Variants in HEMK2 observed in about 807,000 individuals in gnomAD.
HEMK2 encodes the protein HemK methyltransferase 2, ETF1 glutamine and histone H4 lysine, also known as methyltransferase HEMK2.
chr21:28,693,588 C>A, the HEMK2 span, among the ~76,000 whole-genome samples: 5 of 152,180 alleles, frequency 3.3e-5, no homozygotes, highest in African/African-American at 4.8e-5. Context: ...TAAAATGACA[C>A]CCGTTAAGCA....
At chr21:28,646,192 T>C in the HEMK2 span, among the ~76,000 whole-genome samples, 24 of 152,294 alleles carry the variant, frequency 1.6e-4, no homozygotes, top group South Asian at 2.5e-3. Context: ...GAGCAGCATA[T>C]GGATGACTAT....
chr21:28,848,032 T>C, the HEMK2 span, among the ~76,000 whole-genome samples: 18 of 152,254 alleles, frequency 1.2e-4, no homozygotes, highest in Non-Finnish European at 1.5e-5. Context: ...AGCCTTATAG[T>C]ACAGTTTGAA....
At chr21:28,784,197 A>G in the HEMK2 span, among the ~76,000 whole-genome samples, 1 of 152,242 alleles carries the variant, frequency 6.6e-6, no homozygotes, top group Non-Finnish European at 1.5e-5. Flanking sequence ...TGTAGGATCC[A>G]CTAGGTGAAG....
chr21:28,822,805 C>A, the HEMK2 span, among the ~76,000 whole-genome samples: 1 of 152,138 alleles, frequency 6.6e-6, no homozygotes, highest in South Asian at 2.1e-4. Context: ...CATTACAATT[C>A]AGATGGACCT....
At chr21:28,817,530 T>C in the HEMK2 span, among the ~76,000 whole-genome samples, 1 of 152,228 alleles carries the variant, frequency 6.6e-6, no homozygotes, top group East Asian at 1.9e-4. Context: ...CTTCTCTTAT[T>C]TGGGGATCCT....
the HEMK2 span, among the ~76,000 whole-genome samples, chr21:28,667,301 C>A: frequency 6.6e-6 from 1 of 152,048 alleles, no homozygotes; most frequent in Non-Finnish European, 1.5e-5. Flanking sequence ...AGTATATAAT[C>A]CACCATCAGG....
the HEMK2 span, among the ~76,000 whole-genome samples, chr21:28,629,818 T>A: frequency 6.6e-6 from 1 of 152,172 alleles, no homozygotes; most frequent in Non-Finnish European, 1.5e-5. Context: ...GGAAGGCATA[T>A]ACAGTGGCTG....
the HEMK2 span, among the ~76,000 whole-genome samples, chr21:28,750,680 G>A: frequency 1.5e-5 from 2 of 130,012 alleles, no homozygotes; most frequent in African/African-American, 6.2e-5. Flanking sequence ...CCTCCTGGGT[G>A]ACAGAGCAAG....
the HEMK2 span, among the ~76,000 whole-genome samples, chr21:28,810,964 T>C: frequency 2.0e-5 from 3 of 152,206 alleles, no homozygotes; most frequent in African/African-American, 4.8e-5. Context: ...GAAGGAATCA[T>C]GTGGCGAGAC....
the HEMK2 span, among the ~76,000 whole-genome samples, chr21:28,762,953 C>T: frequency 0.54 from 82,599 of 152,036 alleles, 25,570 homozygotes; most frequent in African/African-American, 0.84. Context: ...AGAGAGCTAG[C>T]GAACCAATTT....
At chr21:28,640,897 C>T in the HEMK2 span, among the ~76,000 whole-genome samples, 1 of 152,166 alleles carries the variant, frequency 6.6e-6, no homozygotes, top group African/African-American at 2.4e-5. Context: ...GAAGAACAAT[C>T]ACAGTGCTAA....
the HEMK2 span, among the ~76,000 whole-genome samples, chr21:28,775,693 C>T: frequency 1.3e-5 from 2 of 151,932 alleles, no homozygotes; most frequent in Non-Finnish European, 2.9e-5. Context: ...TAAAAGGTAC[C>T]TGAATTTAAG....
At chr21:28,826,029 C>T in the HEMK2 span, among the ~76,000 whole-genome samples, 1 of 152,194 alleles carries the variant, frequency 6.6e-6, no homozygotes, top group Non-Finnish European at 1.5e-5. Context: ...GATAAAAGGG[C>T]ACCCAGAAAT....
chr21:28,682,031 A>G, the HEMK2 span, among the ~76,000 whole-genome samples: 1 of 152,238 alleles, frequency 6.6e-6, no homozygotes, highest in African/African-American at 2.4e-5. Context: ...CAATGGCAAC[A>G]AAAGACAAAA....
the HEMK2 span, among the ~76,000 whole-genome samples, chr21:28,637,184 C>T: frequency 1.3e-5 from 2 of 152,138 alleles, no homozygotes; most frequent in South Asian, 4.1e-4. Flanking sequence ...AGCCTTGCCA[C>T]AATTTTGTGG....
the HEMK2 span, among the ~76,000 whole-genome samples, chr21:28,838,975 ATATATATATATATATAT>A: frequency 3.3e-5 from 1 of 30,726 alleles, no homozygotes; most frequent in Non-Finnish European, 5.1e-5. Flanking sequence ...AAAAAAAAAT[ATATATATATATATATAT>A]ATATATATAC....
At chr21:28,778,137 T>G in the HEMK2 span, among the ~76,000 whole-genome samples, 1 of 152,224 alleles carries the variant, frequency 6.6e-6, no homozygotes, top group Non-Finnish European at 1.5e-5. Flanking sequence ...CCCCACCCAT[T>G]TGTACACTCC....
At chr21:28,849,487 G>A in the HEMK2 span, among the ~76,000 whole-genome samples, 1 of 152,174 alleles carries the variant, frequency 6.6e-6, no homozygotes, top group Non-Finnish European at 1.5e-5. Context: ...ACCTCCAAAT[G>A]TCTGCACTAG....
the HEMK2 span, chr21:28,875,763 C>T: frequency 6.6e-6 from 1 of 152,198 alleles, no homozygotes; most frequent in Non-Finnish European, 1.5e-5. Context: ...GAAGAAATAT[C>T]CTAACATGCC....
Sources: gnomAD v4.1 joint callset for allele counts (sites outside exome capture counted in the v4.1 genomes callset) on GRCh38, gnomAD v4.1.1 for gene constraint, MANE v1.5 for transcripts, NCBI Gene and HGNC (gene_info 2026-07-23, HGNC 2026-07-21) for gene names.